CDC6: variants seen among roughly 807,000 people sequenced by gnomAD.
CDC6 encodes the protein DNA replication factor CDC6.
Under a neutral mutation model 60.2 loss-of-function variants are expected in CDC6, and 46 were observed. That is an observed-to-expected ratio of 0.76 (90% CI 0.60 to 0.98). The LOEUF is 0.98. Among genes scored for constraint, CDC6 ranks in the 50% least tolerant of loss-of-function variants. The pLI, the probability that CDC6 is intolerant of heterozygous loss-of-function variation, is 0.00. For synonymous variants in CDC6, 210 were observed against 233.2 expected, an observed-to-expected ratio of 0.90 and a Z score of 0.90; for missense variants, 596 against 652.9, an observed-to-expected ratio of 0.91 and a Z score of 0.95.
intron 1 of CDC6, among the ~76,000 whole-genome samples, chr17:40,288,410 A>G (rs2032694470): frequency 6.6e-6 from 1 of 151,560 alleles, no homozygotes; most frequent in South Asian, 2.1e-4. Flanking sequence ...TATATAAATC[A>G]ATTCATGTAA....
At position 40,295,407 on chromosome 17, in the gene CDC6, A is replaced by G; in HGVS notation, c.1135A>G (p.Lys379Glu). The change falls in exon 8 of 12, where the codon AAA (lysine) becomes GAA (glutamate). Residue 379 changes from lysine to glutamate, a missense_variant. Physicochemically the swap from Lys to Glu is moderately conservative, Grantham distance 56. Transcript: ENST00000209728. ...TGCTGCAGTTCAATTCTGTGCCCGCAAAGTCTCTGCTGTTTCAGGAGATGT... is the reference window on the plus strand; with the variant it reads ...TGCTGCAGTTCAATTCTGTGCCCGCGAAGTCTCTGCTGTTTCAGGAGATGT... ...DNAAVQFCAR[K>E]VSAVSGDVRK... 1 of 1,613,948 alleles carries G rather than the reference A, an allele frequency of 6.2e-7. No homozygotes were observed. The highest frequency in any genetic ancestry group is 8.5e-7 in the Non-Finnish European group (1 of 1,179,908).
intron 9 of CDC6, among the ~76,000 whole-genome samples, chr17:40,300,368 G>A (rs543346601): frequency 4.1e-4 from 62 of 152,146 alleles, no homozygotes; most frequent in African/African-American, 1.3e-3. Flanking sequence ...ATGGTGGCAC[G>A]TACCTGTAAT....
intron 4 of CDC6, among the ~76,000 whole-genome samples, chr17:40,291,871 G>T (rs1026488240): frequency 1.3e-5 from 2 of 152,086 alleles, no homozygotes; most frequent in African/African-American, 4.8e-5. Context: ...TCAGCCTCCC[G>T]AGTAGCTGGG....
chr17:40,290,346 A>T (rs1210697021), intron 2 of CDC6, among the ~76,000 whole-genome samples: 1 of 152,096 alleles, frequency 6.6e-6, no homozygotes, highest in East Asian at 1.9e-4. Context: ...TTGTTTCTGG[A>T]GACATTTTTG....
Position 40,294,389 on chromosome 17 carries a change from A to G in CDC6, c.969A>G (p.Thr323=). 1.2e-6 allele frequency: 2 copies of G among 1,609,942 alleles called. No homozygotes were observed. Among genetic ancestry groups the G allele is most frequent in the Middle Eastern group, 1.7e-4 (1 of 6,052 alleles). Residue 323 remains threonine, a synonymous_variant, in exon 7 of 12, where the codon ACA becomes ACG. Coordinates refer to ENST00000209728, the MANE Select transcript of CDC6 (RefSeq NM_001254.4). The part of the protein sequence containing the change: ...LIGIANTLDL[T]DRILPRLQAR... ...GTATTGCTAATACCCTGGATCTCAC[A>G]GATAGAATTCTACCTAGGCTTCAAG...
intron 8 of CDC6, among the ~76,000 whole-genome samples, chr17:40,296,011 C>T (rs2032854271): frequency 6.6e-6 from 1 of 152,064 alleles, no homozygotes; most frequent in African/African-American, 2.4e-5. Context: ...GCTGTGCTGG[C>T]CTGCTGGTCC....
intron 6 of CDC6, 132 bp downstream of exon 6, chr17:40,294,188 A>G (rs1598515916): frequency 6.4e-6 from 6 of 932,800 alleles, no homozygotes; most frequent in Middle Eastern, 2.1e-4. Context: ...TTAAATGACT[A>G]TGTACATCTT....
In CDC6 at chr17:40,291,520, G is replaced by A. The variant is rs200103920; in HGVS notation, c.512G>A (p.Arg171Gln). The A allele has an allele frequency of 5.0e-6, 8 of 1,614,164 alleles. No homozygotes were observed. Among genetic ancestry groups the A allele is most frequent in the Admixed American group, 1.7e-5 (1 of 60,016 alleles). ...KLVLNTAVPD[R>Q]LPAREREMDV... ...GTCCTGAACACAGCTGTCCCAGATC[G>A]GCTGCCTGCCAGGGAAAGGGAGATG... The change falls in exon 4 of 12, where the codon CGG becomes CAG. Residue 171 changes from arginine to glutamine, a missense_variant. Transcript: ENST00000209728.
intron 4 of CDC6, among the ~76,000 whole-genome samples, chr17:40,292,778 A>G (rs2032784708): frequency 6.6e-6 from 1 of 151,672 alleles, no homozygotes; most frequent in Admixed American, 6.6e-5. Context: ...AAATACAAAA[A>G]AAATTAGCCA....
chr17:40,290,587 T>C (rs2032740205), intron 2 of CDC6, among the ~76,000 whole-genome samples: 1 of 152,218 alleles, frequency 6.6e-6, no homozygotes, highest in Non-Finnish European at 1.5e-5. Context: ...GGGGGATACA[T>C]TCCAAGACCC....
At position 40,291,216 on chromosome 17, in the gene CDC6, G is replaced by C; in HGVS notation, c.337G>C (p.Ala113Pro). Residue 113 changes from alanine to proline, a missense_variant, in exon 3 of 12, where the codon GCC becomes CCC. By Grantham distance (27) the Ala-to-Pro change is conservative (BLOSUM62 -1). Transcript: ENST00000209728. ...TAAGTCTCCTAGCAAAAGAGAACTA[G>C]CCAAAGTTCACCAAAACAAAATACT... is the stretch of plus-strand genomic sequence containing the variant. Reference protein sequence around the residue: ...TIKSPSKRELAKVHQNKILSS... With the variant: ...TIKSPSKRELPKVHQNKILSS... 1 of 1,614,178 alleles carries C rather than the reference G, an allele frequency of 6.2e-7. No homozygotes were observed. The highest frequency in any genetic ancestry group is 8.5e-7 in the Non-Finnish European group (1 of 1,180,012).
chr17:40,292,181 C>T (rs1177011102), intron 4 of CDC6, among the ~76,000 whole-genome samples: 1 of 152,150 alleles, frequency 6.6e-6, no homozygotes, highest in Admixed American at 6.5e-5. Flanking sequence ...GGAATACTGG[C>T]ACTCACCACT....
At position 40,301,513 on chromosome 17, in the gene CDC6, G is replaced by A; in HGVS notation, c.1498G>A (p.Ala500Thr). Residue 500 changes from alanine to threonine, a missense_variant, in exon 11 of 12, where the codon GCT (alanine) becomes ACT (threonine). Physicochemically the swap from Ala to Thr is moderately conservative, Grantham distance 58. Coordinates refer to ENST00000209728, the MANE Select transcript of CDC6 (RefSeq NM_001254.4). ...AGTCTGTCGCAAACAGCAGGTGGCG[G>A]CTGTGGACCAGTCAGAGTGTTTGTC... ...SKVCRKQQVA[A>T]VDQSECLSLS... 1 of 1,613,718 alleles carries A rather than the reference G, an allele frequency of 6.2e-7. No individual in the cohort carries two copies. Among genetic ancestry groups the A allele is most frequent in the East Asian group, 2.2e-5 (1 of 44,882 alleles).
At chr17:40,301,199 T>G (rs1048838199) in intron 10 of CDC6, among the ~76,000 whole-genome samples, 169 bp downstream of exon 10, 6 of 152,154 alleles carry the variant, frequency 3.9e-5, no homozygotes, top group African/African-American at 1.4e-4. Context: ...TTCCCTTGGA[T>G]TGTGGTTGAG....
chr17:40,301,036 T>C lies in CDC6; in HGVS notation c.1452+6T>C. On this transcript the variant is annotated splice_donor_region_variant and intron_variant, in intron 10 of 11. Coordinates refer to ENST00000209728, the MANE Select transcript of CDC6 (RefSeq NM_001254.4). ...AAGAGGTCACTCTGGGGAAGGTAAG[T>C]TGGGATGGAGCAGATGGAACGGAGG... The C allele has an allele frequency of 6.2e-7, 1 of 1,603,980 alleles. No homozygotes were observed. Among genetic ancestry groups the C allele is most frequent in the Non-Finnish European group, 8.5e-7 (1 of 1,171,282 alleles).
In CDC6 at chr17:40,301,001, T is replaced by C. The variant is rs957832648; in HGVS notation, c.1423T>C (p.Leu475=). ...CTCTTTGATGCTCTTGATCAGGCAG[T>C]TGAAAATCAAAGAGGTCACTCTGGG... The part of the protein sequence containing the change: ...VCSLMLLIRQ[L]KIKEVTLGKL... Residue 475 remains leucine, a synonymous_variant, in exon 10 of 12, where the codon TTG becomes CTG. Coordinates refer to ENST00000209728, the MANE Select transcript of CDC6 (RefSeq NM_001254.4). The C allele has an allele frequency of 6.2e-7, 1 of 1,613,826 alleles. No homozygotes were observed. The highest frequency in any genetic ancestry group is 8.5e-7 in the Non-Finnish European group (1 of 1,179,820).
chr17:40,302,089 G>GA lies in CDC6; in HGVS notation c.*92dup, dbSNP rs1187914454. The GA allele has an allele frequency of 2.5e-6, 2 of 815,754 alleles. No homozygotes were observed. Among genetic ancestry groups the GA allele is most frequent in the Admixed American group, 1.7e-5 (1 of 57,186 alleles). The allele number at this position is 815,754 out of a possible 1,614,324, so 50.5% of individuals were successfully genotyped here. A position where few individuals can be genotyped will look rare whatever the true frequency, so the allele number is the denominator to read the frequency against. ...TTTAGTGCTTTACACATTCGGGCCT[G>GA]AAAACAAATATGACCTTTTTTACTT... On this transcript the variant is annotated 3_prime_UTR_variant, in exon 12 of 12. Transcript: ENST00000209728.
chr17:40,298,813 G>A (rs2032895762), intron 9 of CDC6, among the ~76,000 whole-genome samples: 1 of 152,114 alleles, frequency 6.6e-6, no homozygotes, highest in Non-Finnish European at 1.5e-5. Context: ...AAACATAGTG[G>A]GTTCTCCAGC....
rs1214057939 is a variant in CDC6, at chr17:40,303,097, A to T, written c.*1096A>T. ...AAACACATTTTTCCAGTCTTATTAGATAAATTAGTCCATATGGTTGGTTAA... is the reference window on the plus strand; with the variant it reads ...AAACACATTTTTCCAGTCTTATTAGTTAAATTAGTCCATATGGTTGGTTAA... On this transcript the variant is annotated 3_prime_UTR_variant, in exon 12 of 12. Transcript: ENST00000209728. 6.6e-6 allele frequency: 1 copy of T among 152,176 alleles called. No homozygotes were observed. Among genetic ancestry groups the T allele is most frequent in the African/African-American group, 2.4e-5 (1 of 41,422 alleles). 9.4% of individuals were successfully genotyped at this position (152,176 alleles called of 1,614,324 possible).
Sources: gnomAD v4.1 joint callset for allele counts (sites outside exome capture counted in the v4.1 genomes callset) on GRCh38, gnomAD v4.1.1 for gene constraint, MANE v1.5 for transcripts, NCBI Gene and HGNC (gene_info 2026-07-23, HGNC 2026-07-21) for gene names.